The following HTRA1 variants were observed in gnomAD, a reference collection of about 807,000 sequenced individuals.
HTRA1 encodes the protein serine protease HTRA1.
Under a neutral mutation model 49.7 loss-of-function variants are expected in HTRA1, and 26 were observed. That is an observed-to-expected ratio of 0.52 (90% CI 0.38 to 0.73). The LOEUF is 0.73. Among genes scored for constraint, HTRA1 ranks in the 30% least tolerant of loss-of-function variants. The probability of loss-of-function intolerance (pLI) is 0.00; values close to 1 mark genes in which losing one functional copy is unlikely to be tolerated. For missense variants in HTRA1, 561 were observed against 667.2 expected (o/e 0.84, Z 1.75); for synonymous variants, 291 against 286.9 (o/e 1.01, Z -0.14).
chr10:122,510,833 A>G (rs2097505248), intron 7 of HTRA1, among the ~76,000 whole-genome samples: 1 of 152,250 alleles, frequency 6.6e-6, no homozygotes, highest in African/African-American at 2.4e-5. Flanking sequence ...CATTACTATG[A>G]TGAATTAATG....
At chr10:122,476,080 C>T (rs1478887949) in intron 1 of HTRA1, among the ~76,000 whole-genome samples, 2 of 152,196 alleles carry the variant, frequency 1.3e-5, no homozygotes, top group Admixed American at 6.5e-5. Context: ...GGCCCCCTCC[C>T]CTTTCGCTTC....
chr10:122,468,426 A>ATCC (rs1391772492), intron 1 of HTRA1, among the ~76,000 whole-genome samples: 1 of 151,096 alleles, frequency 6.6e-6, no homozygotes, highest in Non-Finnish European at 1.5e-5. Context: ...CATCATCATC[A>ATCC]TCATCATCAT....
chr10:122,475,225 C>T (rs370467030), intron 1 of HTRA1, among the ~76,000 whole-genome samples: 3 of 152,228 alleles, frequency 2.0e-5, no homozygotes, highest in African/African-American at 7.2e-5. Flanking sequence ...ACAGTTACTG[C>T]TCAAGGCACC....
intron 3 of HTRA1, among the ~76,000 whole-genome samples, chr10:122,499,651 C>T (rs2097500123): frequency 6.6e-6 from 1 of 152,224 alleles, no homozygotes; most frequent in Non-Finnish European, 1.5e-5. Context: ...CTGACATCCC[C>T]CGTAAACAAC....
At chr10:122,508,237 A>C (rs1565435075) in intron 5 of HTRA1, among the ~76,000 whole-genome samples, 2 of 152,218 alleles carry the variant, frequency 1.3e-5, no homozygotes, top group Non-Finnish European at 2.9e-5. Flanking sequence ...GAAGCATGAC[A>C]GCCCTAAGCT....
rs1591022118 is a variant in HTRA1, at chr10:122,462,117, C to T, written c.465C>T (p.Cys155=). The T allele has an allele frequency of 1.3e-6, 2 of 1,532,954 alleles. No homozygotes were observed. Among genetic ancestry groups the T allele is most frequent in the Non-Finnish European group, 1.7e-6 (2 of 1,145,416 alleles). The allele number at this position is 1,532,954 out of a possible 1,614,324, so 95.0% of individuals were successfully genotyped here. A position where few individuals can be genotyped will look rare whatever the true frequency, so the allele number is the denominator to read the frequency against. Residue 155 remains cysteine (C), a synonymous_variant, in exon 1 of 9, where the codon TGC becomes TGT. Transcript: ENST00000368984. The part of the protein sequence containing the change: ...PPVIVLQRGA[C]GQGQEDPNSL... ...TCATCGTCCTGCAGCGCGGAGCCTG[C>T]GGCCAAGGTACTCCGCCGCGCTCCT...
At chr10:122,488,755 G>A in intron 1 of HTRA1, 147 bp from the exon 2 acceptor site, 1 of 752,850 alleles carries the variant, frequency 1.3e-6, no homozygotes, top group South Asian at 1.4e-5. Flanking sequence ...GACATTTGCA[G>A]CTGAGCCCAG....
intron 8 of HTRA1, among the ~76,000 whole-genome samples, chr10:122,513,369 G>A (rs542090242): frequency 2.6e-5 from 4 of 152,220 alleles, no homozygotes; most frequent in South Asian, 2.1e-4. Context: ...GGCCAACTAC[G>A]TGGCAGATAG....
intron 3 of HTRA1, among the ~76,000 whole-genome samples, chr10:122,503,186 C>T (rs527670501): frequency 2.3e-3 from 350 of 152,316 alleles, no homozygotes; most frequent in African/African-American, 8.2e-3. Flanking sequence ...GCGTGGGCCC[C>T]GCGGGGCTTC....
chr10:122,473,985 G>A (rs898484704), intron 1 of HTRA1, among the ~76,000 whole-genome samples: 4 of 152,090 alleles, frequency 2.6e-5, no homozygotes, highest in African/African-American at 4.8e-5. Flanking sequence ...CTCCCTGATG[G>A]GGAATCCTAA....
rs1321530484 is a variant in HTRA1 at position 122,510,139 on chromosome 10, G to A, written c.1164G>A (p.Met388Ile). 6.2e-7 allele frequency: 1 copy of A among 1,613,788 alleles called. No homozygotes were observed. The highest frequency in any genetic ancestry group is 2.2e-5 in the East Asian group (1 of 44,890). ...TKKKYIGIRMMSLTSSKAKEL... is the reference protein window; with the variant it reads ...TKKKYIGIRMISLTSSKAKEL... The stretch of plus-strand genomic sequence containing the variant: ...AGAAGTATATTGGTATCCGAATGAT[G>A]TCACTCACGTCCAGGTGGGTAAACA... Residue 388 changes from methionine to isoleucine, a missense_variant, in exon 7 of 9, where the codon ATG becomes ATA. By Grantham distance (10) the Met-to-Ile change is conservative (BLOSUM62 1). This residue lies in a region of HTRA1 where 179 missense variants were observed against 173.4 expected (regional missense o/e 1.03). Transcript: ENST00000368984.
At chr10:122,476,717 G>T (rs953587699) in intron 1 of HTRA1, among the ~76,000 whole-genome samples, 2 of 152,168 alleles carry the variant, frequency 1.3e-5, no homozygotes, top group African/African-American at 4.8e-5. Flanking sequence ...GGGGCCTTCC[G>T]CTGGGACAGT....
Position 122,506,878 on chromosome 10 carries a change from T to A in HTRA1, c.965T>A (p.Ile322Asn). ...ATGGACTACATCCAGACCGACGCCA[T>A]CATCAACGTGAGCCTCTGTCCCTCT... ...SDMDYIQTDA[I>N]INYGNSGGPL... Residue 322 changes from isoleucine (I) to asparagine (N), a missense_variant, in exon 4 of 9, where the codon ATC becomes AAC. By Grantham distance (149) the Ile-to-Asn change is moderately radical. This residue lies in a region of HTRA1 where 271 missense variants were observed against 410.0 expected (regional missense o/e 0.66). Transcript: ENST00000368984. This position sits in a 1 kb window ranked among gnomAD's most constrained non-coding sequence, Gnocchi z 5.2. The A allele has an allele frequency of 6.2e-7, 1 of 1,613,358 alleles. No individual in the cohort carries two copies. The highest frequency in any genetic ancestry group is 8.5e-7 in the Non-Finnish European group (1 of 1,179,914).
At chr10:122,513,149 A>T (rs2097506389) in intron 8 of HTRA1, among the ~76,000 whole-genome samples, 1 of 152,136 alleles carries the variant, frequency 6.6e-6, no homozygotes, top group Non-Finnish European at 1.5e-5. Flanking sequence ...TTACAGAAAA[A>T]GTTTGCAGAC....
chr10:122,495,174 G>A (rs1265865465), intron 3 of HTRA1, among the ~76,000 whole-genome samples: 3 of 152,170 alleles, frequency 2.0e-5, no homozygotes, highest in African/African-American at 4.8e-5. Flanking sequence ...TGAAGGAAGC[G>A]CCTGGGAGCC....
At chr10:122,491,301 C>A (rs766801149) in intron 3 of HTRA1, among the ~76,000 whole-genome samples, 1 of 152,180 alleles carries the variant, frequency 6.6e-6, no homozygotes, top group Non-Finnish European at 1.5e-5. Flanking sequence ...AGGCCGGCCC[C>A]GTGGTTTGAT....
At chr10:122,489,348 A>C (rs997600494) in intron 2 of HTRA1, 74 bp from the exon 3 acceptor site, 1 of 1,343,160 alleles carries the variant, frequency 7.4e-7, no homozygotes, top group African/African-American at 1.4e-5. Context: ...CTGTTGCACA[A>C]CCCATTAATC....
chr10:122,482,056 G>A (rs965633133), intron 1 of HTRA1, among the ~76,000 whole-genome samples: 19 of 152,020 alleles, frequency 1.2e-4, no homozygotes, highest in African/African-American at 4.1e-4. Flanking sequence ...CCCCAGTAAG[G>A]CCAAAAAATA....
At chr10:122,500,434 T>C (rs1024114500) in intron 3 of HTRA1, among the ~76,000 whole-genome samples, 1 of 152,210 alleles carries the variant, frequency 6.6e-6, no homozygotes, top group Non-Finnish European at 1.5e-5. Flanking sequence ...GAGATGACCA[T>C]TGGAGATCAC....
Sources: gnomAD v4.1 joint callset for allele counts (sites outside exome capture counted in the v4.1 genomes callset) on GRCh38, gnomAD v4.1.1 for gene constraint, gnomAD v4.1.1 regional missense constraint, Gnocchi (gnomAD v3.1) non-coding constraint, MANE v1.5 for transcripts, NCBI Gene and HGNC (gene_info 2026-07-23, HGNC 2026-07-21) for gene names.